SYNE1: variants seen among roughly 807,000 people sequenced by gnomAD.
The protein encoded by SYNE1 is spectrin repeat containing nuclear envelope protein 1.
Under a neutral mutation model 1,111.0 loss-of-function variants are expected in SYNE1, and 616 were observed. The observed-to-expected ratio is 0.55, with a 90% CI of 0.52 to 0.59. The LOEUF (loss-of-function observed/expected upper bound fraction) is 0.59, where lower values mean the gene tolerates loss of function less well. Among genes scored for constraint, SYNE1 ranks in the 20% least tolerant of loss-of-function variants. The probability of loss-of-function intolerance (pLI) is 0.00; values close to 1 mark genes in which losing one functional copy is unlikely to be tolerated. For missense variants in SYNE1, 10,006 were observed against 10,417.0 expected, an observed-to-expected ratio of 0.96 and a Z score of 1.72; for synonymous variants, 3,855 against 3,825.8, an observed-to-expected ratio of 1.01 and a Z score of -0.28.
intron 128 of SYNE1, among the ~76,000 whole-genome samples, chr6:152,186,633 G>A (rs1049309551): frequency 1.5e-4 from 22 of 147,946 alleles, no homozygotes; most frequent in African/African-American, 2.3e-4. Context: ...AAACAGTGTC[G>A]GCAGGAAGAG....
Position 152,450,740 on chromosome 6 carries a change from C to T in SYNE1, c.3280G>A (p.Val1094Ile). 2 of 1,614,136 alleles carry T rather than the reference C, an allele frequency of 1.2e-6. No individual in the cohort carries two copies. Among genetic ancestry groups the T allele is most frequent in the Non-Finnish European group, 1.7e-6 (2 of 1,180,024 alleles). ...LCVKLPVRDPVRDTPGTCHVT... is the reference protein window; with the variant it reads ...LCVKLPVRDPIRDTPGTCHVT... ...TGACAGGTTCCAGGTGTGTCCCTTA[C>T]TGGGTCCCGCACTGGGAGTTTCACA... Residue 1094 changes from valine to isoleucine, a missense_variant, in exon 27 of 146, where the codon GTA becomes ATA. Val to Ile is a conservative substitution (Grantham distance 29). Transcript: ENST00000367255.
intron 12 of SYNE1, among the ~76,000 whole-genome samples, chr6:152,488,086 A>AG (rs1554794387): frequency 6.6e-6 from 1 of 151,932 alleles, no homozygotes; most frequent in African/African-American, 2.4e-5. Context: ...AAAAAAAAAA[A>AG]AAATCATGAG....
intron 121 of SYNE1, among the ~76,000 whole-genome samples, chr6:152,216,271 C>T (rs992258076): frequency 7.2e-5 from 11 of 152,278 alleles, no homozygotes; most frequent in Admixed American, 2.6e-4. Context: ...TCCTTCCCCT[C>T]GTGGCACTTA....
Position 152,417,029 on chromosome 6 carries a change from G to C in SYNE1, c.5422-14C>G. 1 of 1,613,376 alleles carries C rather than the reference G, an allele frequency of 6.2e-7. No homozygotes were observed. The highest frequency in any genetic ancestry group is 8.5e-7 in the Non-Finnish European group (1 of 1,180,020). On this transcript the variant is annotated splice_polypyrimidine_tract_variant and intron_variant, in intron 40 of 145. Coordinates refer to ENST00000367255, the MANE Select transcript of SYNE1 (RefSeq NM_182961.4). Reference sequence around the variant, plus strand: ...TGCTGCGTGGTCCTGGAAGGGAAGAGAGAGTTATTGATTCCTGAGATACAC... The same window carrying C: ...TGCTGCGTGGTCCTGGAAGGGAAGACAGAGTTATTGATTCCTGAGATACAC...
At chr6:152,610,444 G>GA (rs1270708665) in intron 3 of SYNE1, among the ~76,000 whole-genome samples, 1 of 151,938 alleles carries the variant, frequency 6.6e-6, no homozygotes, top group South Asian at 2.1e-4. Context: ...CAAGGCTAGA[G>GA]AAAAAAAAGT....
intron 11 of SYNE1, among the ~76,000 whole-genome samples, chr6:152,493,820 G>T (rs1029026352): frequency 6.6e-6 from 1 of 151,944 alleles, no homozygotes; most frequent in Non-Finnish European, 1.5e-5. Context: ...GCATAGTTAG[G>T]TACTTTCGCC....
chr6:152,295,873 C>CA (rs1217425621), intron 93 of SYNE1, among the ~76,000 whole-genome samples: 1 of 152,162 alleles, frequency 6.6e-6, no homozygotes, highest in Non-Finnish European at 1.5e-5. Context: ...CTCTTCCATC[C>CA]AAAAACACCT....
intron 4 of SYNE1, among the ~76,000 whole-genome samples, chr6:152,531,966 T>C (rs1314626318): frequency 6.6e-6 from 1 of 152,226 alleles, no homozygotes; most frequent in Non-Finnish European, 1.5e-5. Flanking sequence ...AGCGTGAGTG[T>C]ATTAATATCT....
chr6:152,319,521 T>C (rs775344470), intron 84 of SYNE1, among the ~76,000 whole-genome samples: 1 of 152,192 alleles, frequency 6.6e-6, no homozygotes, highest in Non-Finnish European at 1.5e-5. Flanking sequence ...CAACCAAGCA[T>C]TAAGTACATC....
chr6:152,447,719 G>T, intron 28 of SYNE1, 97 bp from the exon 29 acceptor site: 1 of 1,392,826 alleles, frequency 7.2e-7, no homozygotes, highest in Non-Finnish European at 1.0e-6. Flanking sequence ...TGCAGGTGGA[G>T]CAGAATAGAG....
intron 3 of SYNE1, among the ~76,000 whole-genome samples, chr6:152,605,011 AGAGAGAGAGAGAGAGAGAGAG>A (rs2099609290): frequency 3.0e-4 from 13 of 42,974 alleles, no homozygotes; most frequent in African/African-American, 1.7e-3. Flanking sequence ...AAAGAAAGAG[AGAGAGAGAGAGAGAGAGAGAG>A]AGAGGGAGGG....
intron 25 of SYNE1, 96 bp from the exon 26 acceptor site, chr6:152,451,301 A>T (rs2098647186): frequency 3.0e-6 from 4 of 1,314,016 alleles, no homozygotes; most frequent in Non-Finnish European, 4.3e-6. Context: ...AAACCATAAC[A>T]TATTCCTTTT....
intron 70 of SYNE1, among the ~76,000 whole-genome samples, chr6:152,351,804 C>T (rs1291762550): frequency 6.6e-6 from 1 of 152,164 alleles, no homozygotes; most frequent in African/African-American, 2.4e-5. Flanking sequence ...TATATTGATA[C>T]AATCTTTGAG....
At chr6:152,407,238 G>A (rs781736844) in intron 44 of SYNE1, 42 bp from the exon 45 acceptor site, 26 of 1,594,038 alleles carry the variant, frequency 1.6e-5, no homozygotes, top group African/African-American at 4.0e-5. Context: ...AGTCAGAGGC[G>A]TAAGATGATC....
intron 3 of SYNE1, among the ~76,000 whole-genome samples, chr6:152,564,606 C>T (rs916734886): frequency 9.2e-5 from 14 of 152,104 alleles, no homozygotes; most frequent in African/African-American, 1.4e-4. Context: ...CGTGAGCCAC[C>T]GTGCCTGGAC....
Position 152,352,183 on chromosome 6 carries a change from G to T in SYNE1, c.11424C>A (p.His3808Gln). The T allele has an allele frequency of 6.2e-7, 1 of 1,614,158 alleles. No individual in the cohort carries two copies. Residue 3808 changes from histidine to glutamine, a missense_variant, in exon 70 of 146, where the codon CAC (histidine) becomes CAA (glutamine). Coordinates refer to ENST00000367255, the MANE Select transcript of SYNE1 (RefSeq NM_182961.4). ...KELTSTVRKE[H>Q]MTLEKGLHLA... The stretch of plus-strand genomic sequence containing the variant: ...AATGAAGACCTTTTTCCAGCGTCAT[G>T]TGTTCTTTCCGGACAGTGCTGGTCA...
rs1239576927 is a variant in SYNE1, at chr6:152,521,125, A to C, written c.226-583T>G. ...AAAAGAATGCTTAGTTTTTAATTTT[A>C]TATGAAGAGCATCACTGTATTAATC... On this transcript the variant is annotated intron_variant, in intron 5 of 145. Transcript: ENST00000367255. 2.0e-5 allele frequency among the ~76,000 whole-genome samples: 3 copies of C among 152,158 alleles called. No individual in the cohort carries two copies. In the East Asian group the frequency reaches 5.8e-4, roughly 29 times the overall value.
intron 66 of SYNE1, among the ~76,000 whole-genome samples, chr6:152,355,191 C>T (rs2096814716): frequency 6.6e-6 from 1 of 152,178 alleles, no homozygotes; most frequent in Non-Finnish European, 1.5e-5. Context: ...TCAACATACA[C>T]ACACACACAC....
chr6:152,240,585 C>T (rs1156449826), intron 107 of SYNE1, among the ~76,000 whole-genome samples: 3 of 152,140 alleles, frequency 2.0e-5, no homozygotes, highest in Non-Finnish European at 4.4e-5. Flanking sequence ...TTCCCAGTAC[C>T]ATGATAAAAT....
Sources: gnomAD v4.1 joint callset for allele counts (sites outside exome capture counted in the v4.1 genomes callset) on GRCh38, gnomAD v4.1.1 for gene constraint, MANE v1.5 for transcripts, NCBI Gene and HGNC (gene_info 2026-07-23, HGNC 2026-07-21) for gene names.